Variants in CCNY observed in about 807,000 individuals in gnomAD.
CCNY encodes the protein cyclin Y.
Under a neutral mutation model 42.8 loss-of-function variants are expected in CCNY, and 19 were observed. That is an observed-to-expected ratio of 0.44 (90% confidence interval 0.31 to 0.65). The LOEUF is 0.65. Ranked by LOEUF, CCNY falls within the 30% of genes least tolerant of loss-of-function variation. CCNY has a pLI of 0.07. For synonymous variants in CCNY, 165 were observed against 162.7 expected (o/e 1.01, Z -0.11); for missense variants, 370 against 437.3 (o/e 0.85, Z 1.37).
intron 1 of CCNY, among the ~76,000 whole-genome samples, chr10:35,435,200 T>C (rs3003979): frequency 0.083 from 12,622 of 152,246 alleles, 967 homozygotes; most frequent in African/African-American, 0.2. Flanking sequence ...GGCTAGGAGT[T>C]GGAAGCTCCA....
chr10:35,248,561 G>A (rs760464686), intron 2 of CCNY, among the ~76,000 whole-genome samples: 10 of 152,080 alleles, frequency 6.6e-5, no homozygotes, highest in Non-Finnish European at 1.3e-4. Flanking sequence ...CAGGAGAATT[G>A]CTTGAACCTG....
At chr10:35,251,278 G>A (rs1344104019) in intron 3 of CCNY, among the ~76,000 whole-genome samples, 2 of 152,064 alleles carry the variant, frequency 1.3e-5, no homozygotes, top group Non-Finnish European at 2.9e-5. Context: ...ACATACATAT[G>A]AGCAAATATA....
chr10:35,547,676 G>T (rs1171991759), intron 7 of CCNY, among the ~76,000 whole-genome samples: 2 of 152,160 alleles, frequency 1.3e-5, no homozygotes, highest in Non-Finnish European at 2.9e-5. Flanking sequence ...CCCTTTCATA[G>T]CTCTTTCAAG....
At chr10:35,494,786 C>A (rs111530628) in intron 2 of CCNY, among the ~76,000 whole-genome samples, 6 of 152,196 alleles carry the variant, frequency 3.9e-5, no homozygotes, top group Non-Finnish European at 7.3e-5. Flanking sequence ...CTTGCACATA[C>A]TTATATACAA....
chr10:35,546,395 G>A (rs1841116910), intron 7 of CCNY, among the ~76,000 whole-genome samples: 1 of 152,148 alleles, frequency 6.6e-6, no homozygotes, highest in Non-Finnish European at 1.5e-5. Flanking sequence ...TCATTAACCT[G>A]TGGTTTCCAG....
intron 8 of CCNY, among the ~76,000 whole-genome samples, chr10:35,563,961 C>G (rs992357955): frequency 6.6e-6 from 1 of 151,740 alleles, no homozygotes; most frequent in African/African-American, 2.4e-5. Context: ...GCTTCAACCT[C>G]CACCTCCCGG....
At chr10:35,455,650 T>G (rs1839011853) in intron 1 of CCNY, among the ~76,000 whole-genome samples, 1 of 151,006 alleles carries the variant, frequency 6.6e-6, no homozygotes, top group South Asian at 2.1e-4. Context: ...TCCTCTTCCC[T>G]TCCTCTCCCC....
At chr10:35,494,779 G>A (rs1476216207) in intron 2 of CCNY, among the ~76,000 whole-genome samples, 1 of 152,160 alleles carries the variant, frequency 6.6e-6, no homozygotes, top group East Asian at 1.9e-4. Context: ...ATGTATACTT[G>A]CACATACTTA....
intron 3 of CCNY, among the ~76,000 whole-genome samples, chr10:35,302,604 C>T (rs542184624): frequency 6.8e-4 from 104 of 152,244 alleles, no homozygotes; most frequent in Non-Finnish European, 1.1e-3. Context: ...AGCCACTGCG[C>T]CCGCCCCGAC....
intron 3 of CCNY, among the ~76,000 whole-genome samples, chr10:35,276,169 A>T (rs768622124): frequency 1.6e-4 from 25 of 152,314 alleles, no homozygotes; most frequent in Non-Finnish European, 2.8e-4. Flanking sequence ...GGCTACCTTT[A>T]GCCTCCTAAC....
At chr10:35,434,261 T>C (rs1564409580) in intron 1 of CCNY, 1 of 152,236 alleles carries the variant, frequency 6.6e-6, no homozygotes, top group Non-Finnish European at 1.5e-5. Context: ...TGAGTAATTA[T>C]GTTGTCTCCC....
rs548239160 is a variant in CCNY, at chr10:35,286,265, G to A, written c.-9+35639G>A. Among the ~76,000 whole-genome samples the A allele has an allele frequency of 7.9e-5, 12 of 151,594 alleles. No homozygotes were observed. The East Asian group carries it at 2.1e-3, about 27-fold the overall frequency. ...CTTTTTGATGATATCTCTCCATACA[G>A]CTTTTTTCCTTCTTTTTATTTATTT... is the stretch of plus-strand genomic sequence containing the variant. On this transcript the variant is annotated intron_variant, in intron 3 of 11. Transcript: ENST00000374706.
rs116276420 is a variant in CCNY, at chr10:35,397,531, G to A, written c.154+60324G>A. Reference sequence around the variant, plus strand: ...ATTTCCCTCTTTGGCCCTGGATTGGGGAGGAGGAATTCTAGGAGGTAGGGG... The same window carrying A: ...ATTTCCCTCTTTGGCCCTGGATTGGAGAGGAGGAATTCTAGGAGGTAGGGG... On this transcript the variant is annotated intron_variant, in intron 1 of 9. Coordinates refer to ENST00000374704, the MANE Select transcript of CCNY (RefSeq NM_145012.6). Among the ~76,000 whole-genome samples, 827 of 152,270 alleles carry A rather than the reference G, an allele frequency of 5.4e-3. 11 individuals carry two copies. The highest frequency in any genetic ancestry group is 0.019 in the African/African-American group (781 of 41,560).
intron 7 of CCNY, among the ~76,000 whole-genome samples, chr10:35,546,850 C>T (rs993520888): frequency 6.6e-6 from 1 of 152,090 alleles, no homozygotes; most frequent in African/African-American, 2.4e-5. Context: ...CAGAAGAAAA[C>T]ATAGTCAGCT....
chr10:35,559,771 C>T (rs891032057), intron 8 of CCNY, among the ~76,000 whole-genome samples: 8 of 152,200 alleles, frequency 5.3e-5, no homozygotes, highest in East Asian at 1.9e-4. Flanking sequence ...GAGATGGTAC[C>T]GAGGCCAGCA....
intron 1 of CCNY, among the ~76,000 whole-genome samples, chr10:35,361,252 C>T (rs1197512127): frequency 6.6e-6 from 1 of 152,110 alleles, no homozygotes; most frequent in East Asian, 1.9e-4. Context: ...ATGTATATTT[C>T]TTTCATAATT....
chr10:35,395,405 G>T (rs1257912020), intron 1 of CCNY, among the ~76,000 whole-genome samples: 1 of 152,176 alleles, frequency 6.6e-6, no homozygotes, highest in Non-Finnish European at 1.5e-5. Context: ...CAGAACCAAG[G>T]AGCAGTGCGA....
chr10:35,265,649 A>G (rs2095724437), intron 3 of CCNY, among the ~76,000 whole-genome samples: 1 of 152,250 alleles, frequency 6.6e-6, no homozygotes, highest in Non-Finnish European at 1.5e-5. Context: ...CCGGCTTTGA[A>G]TGAGGAGCTG....
At chr10:35,546,195 A>G (rs921505401) in intron 7 of CCNY, among the ~76,000 whole-genome samples, 5 of 152,240 alleles carry the variant, frequency 3.3e-5, no homozygotes, top group African/African-American at 1.2e-4. Context: ...GAAAGAAATT[A>G]TATCTGGTAC....
Sources: allele counts gnomAD v4.1 joint callset (sites outside exome capture counted in the v4.1 genomes callset), GRCh38; gene constraint gnomAD v4.1.1; transcripts MANE v1.5; gene names NCBI Gene and HGNC (gene_info 2026-07-23, HGNC 2026-07-21).